Variants in ABL1 observed in about 807,000 individuals in gnomAD.
ABL1 encodes ABL proto-oncogene 1, non-receptor tyrosine kinase.
Under a neutral mutation model 94.7 loss-of-function variants are expected in ABL1, and 11 were observed. That is an observed-to-expected ratio of 0.12 (90% CI 0.07 to 0.19). The LOEUF (loss-of-function observed/expected upper bound fraction) is 0.19, where lower values mean the gene tolerates loss of function less well. Among genes scored for constraint, ABL1 ranks in the 10% least tolerant of loss-of-function variants. ABL1 has a pLI of 1.00. For missense variants in ABL1, 1,082 were observed against 1,489.4 expected (o/e 0.73, Z 4.50); for synonymous variants, 656 against 622.4 (o/e 1.05, Z -0.80).
At chr9:130,762,529 A>G (rs939194357) in intron 1 of ABL1, among the ~76,000 whole-genome samples, 1 of 152,090 alleles carries the variant, frequency 6.6e-6, no homozygotes, top group Admixed American at 6.5e-5. Flanking sequence ...GATCGAGTCC[A>G]TCACTTCCTG....
At chr9:130,716,322 C>G (rs1407478338) in intron 1 of ABL1, among the ~76,000 whole-genome samples, 1 of 152,106 alleles carries the variant, frequency 6.6e-6, no homozygotes, top group Non-Finnish European at 1.5e-5. Flanking sequence ...GTCCTGAACT[C>G]TTGACCTCAG....
In ABL1 at chr9:130,835,666, CTT is replaced by C; in HGVS notation, c.79+142_79+143del. ...CTTTTTTTTCTTTCTTCCCTCTTCT[CTT>C]CTCTTCTCTTCAGTTCTCTTATATT... On this transcript the variant is annotated intron_variant, in intron 1 of 10. Coordinates refer to ENST00000318560, the MANE Select transcript of ABL1 (RefSeq NM_005157.6). The surrounding 1 kb of genome is among the most constrained non-coding windows in gnomAD (Gnocchi z 4.6). The C allele has an allele frequency of 1.8e-6, 1 of 570,868 alleles. No homozygotes were observed. The allele number at this position is 570,868 out of a possible 1,614,324, so 35.4% of individuals were successfully genotyped here.
chr9:130,884,679 G>A lies in ABL1; in HGVS notation c.2389G>A (p.Val797Ile), dbSNP rs1459798133. ...AAAGAATGAGGAAGCTGCTGATGAG[G>A]TCTTCAAAGACATCATGGAGTCCAG... ...VKKNEEAADEVFKDIMESSPG... is the reference protein window; with the variant it reads ...VKKNEEAADEIFKDIMESSPG... The change falls in exon 11 of 11, where the codon GTC becomes ATC. Residue 797 changes from valine (V) to isoleucine (I), a missense_variant. By Grantham distance (29) the Val-to-Ile change is conservative (BLOSUM62 3). This residue lies in a region of ABL1 where 780 missense variants were observed against 835.8 expected (regional missense o/e 0.93). Transcript: ENST00000318560. The surrounding 1 kb of genome is among the most constrained non-coding windows in gnomAD (Gnocchi z 5.6). The A allele has an allele frequency of 1.9e-6, 3 of 1,612,970 alleles. No individual in the cohort carries two copies. Among genetic ancestry groups the A allele is most frequent in the Non-Finnish European group, 2.5e-6 (3 of 1,179,992 alleles).
At position 130,872,843 on chromosome 9, in the gene ABL1, CGTT is replaced by C; in HGVS notation, c.908-14_908-12del. The C allele has an allele frequency of 1.2e-6, 2 of 1,600,858 alleles. No homozygotes were observed. Among genetic ancestry groups the C allele is most frequent in the Non-Finnish European group, 1.7e-6 (2 of 1,171,096 alleles). Reference sequence around the variant, plus strand: ...GAGCGGAGCCACGTGTTGAAGTCCTCGTTGTCTTGTTGGCAGGGGTCTGCACCC... The same window carrying C: ...GAGCGGAGCCACGTGTTGAAGTCCTCGTCTTGTTGGCAGGGGTCTGCACCC... On this transcript the variant is annotated splice_polypyrimidine_tract_variant and intron_variant, in intron 5 of 10. Coordinates refer to ENST00000318560, the MANE Select transcript of ABL1 (RefSeq NM_005157.6). The surrounding 1 kb of genome is among the most constrained non-coding windows in gnomAD (Gnocchi z 5.0).
intron 8 of ABL1, 67 bp downstream of exon 8, chr9:130,878,634 G>GC: frequency 1.3e-6 from 2 of 1,566,334 alleles, no homozygotes; most frequent in South Asian, 1.2e-5. Flanking sequence ...CTGTGCAGGA[G>GC]TGTGTACACA....
intron 1 of ABL1, among the ~76,000 whole-genome samples, chr9:130,812,573 A>G (rs944865546): frequency 6.6e-6 from 1 of 152,232 alleles, no homozygotes; most frequent in Non-Finnish European, 1.5e-5. Flanking sequence ...TTTTAAAATG[A>G]ATGTCACCAA....
chr9:130,724,828 T>A, intron 1 of ABL1: 1 of 485,874 alleles, frequency 2.1e-6, no homozygotes, highest in Non-Finnish European at 4.1e-6. Flanking sequence ...TGGGTTTAGG[T>A]GTTGTTCCTT....
chr9:130,795,657 T>A (rs1829964508), intron 1 of ABL1, among the ~76,000 whole-genome samples: 1 of 152,178 alleles, frequency 6.6e-6, no homozygotes, highest in South Asian at 2.1e-4. Context: ...AGAATGAGTA[T>A]TTTTCACTTT....
rs2133034848 is a variant in ABL1 at position 130,884,122 on chromosome 9, C to T, written c.1832C>T (p.Ala611Val). 3 of 1,613,740 alleles carry T rather than the reference C, an allele frequency of 1.9e-6. No individual in the cohort carries two copies. Among genetic ancestry groups the T allele is most frequent in the East Asian group, 2.2e-5 (1 of 44,884 alleles). ...SALIKKKKKT[A>V]PTPPKRSSSF... The stretch of plus-strand genomic sequence containing the variant: ...TTGATCAAGAAGAAGAAGAAGACAG[C>T]CCCAACCCCTCCCAAACGCAGCAGC... The change falls in exon 11 of 11, where the codon GCC (alanine) becomes GTC (valine). Residue 611 changes from alanine to valine, a missense_variant. Ala to Val is a moderately conservative substitution (Grantham distance 64). Coordinates refer to ENST00000318560, the MANE Select transcript of ABL1 (RefSeq NM_005157.6). This position sits in a 1 kb window ranked among gnomAD's most constrained non-coding sequence, Gnocchi z 5.6.
At chr9:130,752,994 C>T (rs1377367911) in intron 1 of ABL1, among the ~76,000 whole-genome samples, 5 of 150,162 alleles carry the variant, frequency 3.3e-5, no homozygotes, top group African/African-American at 7.4e-5. Flanking sequence ...CAGTGGCTCA[C>T]GCCTGTAGTC....
chr9:130,804,765 A>G (rs1830103897), intron 1 of ABL1, among the ~76,000 whole-genome samples: 1 of 152,218 alleles, frequency 6.6e-6, no homozygotes, highest in African/African-American at 2.4e-5. Context: ...GTTAAGCCCA[A>G]ATCTTGGGTT....
intron 1 of ABL1, among the ~76,000 whole-genome samples, chr9:130,848,868 G>A (rs767641613): frequency 5.9e-5 from 9 of 152,142 alleles, no homozygotes; most frequent in Non-Finnish European, 1.2e-4. Flanking sequence ...GAACCCGGAA[G>A]GTGAAGGTTG....
At chr9:130,825,334 G>C (rs573026254) in intron 1 of ABL1, among the ~76,000 whole-genome samples, 2 of 151,984 alleles carry the variant, frequency 1.3e-5, no homozygotes, top group Non-Finnish European at 2.9e-5. Context: ...CAAATGTAAC[G>C]TGATCTCCTA....
At chr9:130,868,520 C>CTTTTTTT (rs71389371) in intron 4 of ABL1, among the ~76,000 whole-genome samples, 63 of 112,038 alleles carry the variant, frequency 5.6e-4, no homozygotes, top group Non-Finnish European at 7.0e-4. Flanking sequence ...TTTTCTTTTT[C>CTTTTTTT]TTTTTTTTTT....
chr9:130,722,084 C>T (rs1458328131), intron 1 of ABL1, among the ~76,000 whole-genome samples: 2 of 151,456 alleles, frequency 1.3e-5, no homozygotes, highest in Non-Finnish European at 2.9e-5. Flanking sequence ...GCCTGGCTAT[C>T]CGATTCTCAA....
At chr9:130,750,028 T>C (rs375281172) in intron 1 of ABL1, among the ~76,000 whole-genome samples, 1 of 149,016 alleles carries the variant, frequency 6.7e-6, no homozygotes, top group Admixed American at 6.7e-5. Flanking sequence ...GAAAAAAAAA[T>C]AAATTATCCA....
At chr9:130,883,323 C>A (rs535302140) in intron 10 of ABL1, among the ~76,000 whole-genome samples, 1 of 152,104 alleles carries the variant, frequency 6.6e-6, no homozygotes, top group African/African-American at 2.4e-5. Context: ...CATGGTGAAA[C>A]CCCGTCTCTA....
At chr9:130,786,532 C>T (rs1294656895) in intron 1 of ABL1, among the ~76,000 whole-genome samples, 2 of 152,222 alleles carry the variant, frequency 1.3e-5, no homozygotes, top group Non-Finnish European at 2.9e-5. Flanking sequence ...GGTGTGGTTT[C>T]TGTCTCCTGA....
intron 1 of ABL1, among the ~76,000 whole-genome samples, chr9:130,774,414 C>T (rs1288650584): frequency 6.6e-6 from 1 of 151,952 alleles, no homozygotes; most frequent in African/African-American, 2.4e-5. Context: ...TAATCTTGGG[C>T]CTATGAGTAG....
Sources: allele counts gnomAD v4.1 joint callset (sites outside exome capture counted in the v4.1 genomes callset), GRCh38; gene constraint gnomAD v4.1.1; regional missense constraint gnomAD v4.1.1; non-coding constraint Gnocchi (gnomAD v3.1); transcripts MANE v1.5; gene names NCBI Gene and HGNC (gene_info 2026-07-23, HGNC 2026-07-21).